ERLIN1: variants seen among roughly 807,000 people sequenced by gnomAD.
The protein encoded by ERLIN1 is ER lipid raft associated 1.
In ERLIN1, 24 loss-of-function variants were observed where a neutral mutation model predicts 46.9. That is an observed-to-expected ratio of 0.51 (90% CI 0.37 to 0.72). The LOEUF is 0.72. Among genes scored for constraint, ERLIN1 ranks in the 30% least tolerant of loss-of-function variants. The pLI is 0.00. For synonymous variants in ERLIN1, 158 were observed against 143.2 expected (o/e 1.10, Z -0.74); for missense variants, 293 against 417.9 (o/e 0.70, Z 2.61).
At chr10:100,179,336 G>GTACTT in intron 2 of ERLIN1, 89 bp from the exon 3 acceptor site, 1 of 843,444 alleles carries the variant, frequency 1.2e-6, no homozygotes, top group Non-Finnish European at 2.0e-6. Flanking sequence ...GAAAGCTGCT[G>GTACTT]ACAGTAAGTA....
intron 4 of ERLIN1, among the ~76,000 whole-genome samples, chr10:100,177,340 G>A (rs897298153): frequency 2.6e-5 from 4 of 152,090 alleles, no homozygotes; most frequent in African/African-American, 4.8e-5. Context: ...CTTACTCTCT[G>A]AAAAATATAA....
intron 9 of ERLIN1, 65 bp downstream of exon 9, chr10:100,156,080 G>T: frequency 9.8e-7 from 1 of 1,021,808 alleles, no homozygotes; most frequent in South Asian, 1.3e-5. Flanking sequence ...TCAAAGGCCT[G>T]AACCCTGGAG....
intron 6 of ERLIN1, among the ~76,000 whole-genome samples, chr10:100,169,612 C>A: frequency 6.8e-6 from 1 of 147,352 alleles, no homozygotes. Context: ...AATCACATTC[C>A]TCAATGATTA....
intron 5 of ERLIN1, among the ~76,000 whole-genome samples, chr10:100,174,861 T>C (rs892722694): frequency 5.3e-5 from 8 of 152,166 alleles, no homozygotes; most frequent in African/African-American, 1.9e-4. Flanking sequence ...GCATGAACAC[T>C]TGGGCTTGTA....
intron 6 of ERLIN1, among the ~76,000 whole-genome samples, chr10:100,168,818 TACAGGCATGCGCCACCAAGCCCG>T (rs1843806899): frequency 6.6e-6 from 1 of 152,094 alleles, no homozygotes; most frequent in Admixed American, 6.6e-5. Context: ...TTGCTGGGAT[TACAGGCATGCGCCACCAAGCCCG>T]ACTAATTTTT....
At chr10:100,178,611 T>A (rs1487518429) in intron 3 of ERLIN1, among the ~76,000 whole-genome samples, 1 of 152,186 alleles carries the variant, frequency 6.6e-6, no homozygotes, top group Non-Finnish European at 1.5e-5. Context: ...CCCAGACCTA[T>A]TGAATCAGAA....
At position 100,176,184 on chromosome 10, in the gene ERLIN1, A is replaced by G. The variant is rs745724746; in HGVS notation, c.305-114T>C. ...ATTACACATGAGGAAAAGTGCCAAC[A>G]AAATAGTGAAACCAAAAACCACAAC... On this transcript the variant is annotated intron_variant, in intron 4 of 10. Coordinates refer to ENST00000421367, the MANE Select transcript of ERLIN1 (RefSeq NM_006459.4). 84 of 851,792 alleles carry G rather than the reference A, an allele frequency of 9.9e-5. 1 individual carries two copies. Among genetic ancestry groups the G allele is most frequent in the Admixed American group, 7.1e-5 (2 of 28,260 alleles). 52.8% of individuals were successfully genotyped at this position (851,792 alleles called of 1,614,324 possible).
intron 8 of ERLIN1, among the ~76,000 whole-genome samples, chr10:100,158,550 GA>G (rs934529752): frequency 3.4e-5 from 5 of 146,270 alleles, no homozygotes; most frequent in African/African-American, 7.6e-5. Context: ...AAAATTACTA[GA>G]AAAAAAAAAT....
At chr10:100,177,264 T>A (rs936608866) in intron 4 of ERLIN1, among the ~76,000 whole-genome samples, 10 of 152,192 alleles carry the variant, frequency 6.6e-5, no homozygotes, top group African/African-American at 2.4e-4. Context: ...CTTCCCTTTT[T>A]CAATCATAAT....
Position 100,176,032 on chromosome 10 carries a change from T to C in ERLIN1, c.343A>G (p.Lys115Glu). ...TGGATTTTATTGAAGATTAAGGTCT[T>C]GTCATAATCTGCAGTATAGTTCCTC... ...IVRNYTADYDKTLIFNKIHHE... is the reference protein window; with the variant it reads ...IVRNYTADYDETLIFNKIHHE... The change falls in exon 5 of 11, where the codon AAG becomes GAG. Residue 115 changes from lysine to glutamate, a missense_variant. Transcript: ENST00000421367. 1.9e-6 allele frequency: 3 copies of C among 1,612,016 alleles called. No homozygotes were observed. The highest frequency in any genetic ancestry group is 2.5e-6 in the Non-Finnish European group (3 of 1,178,276).
chr10:100,178,330 A>G (rs747727960), intron 3 of ERLIN1, 136 bp from the exon 4 acceptor site: 66 of 592,326 alleles, frequency 1.1e-4, no homozygotes, highest in Non-Finnish European at 1.6e-4. Context: ...TTCCTTTTTC[A>G]TAGCATTTCT....
intron 6 of ERLIN1, among the ~76,000 whole-genome samples, chr10:100,172,095 G>A (rs1032032035): frequency 1.3e-5 from 2 of 152,142 alleles, no homozygotes; most frequent in African/African-American, 4.8e-5. Context: ...AAGATGTACA[G>A]AATATATAAG....
intron 2 of ERLIN1, among the ~76,000 whole-genome samples, chr10:100,181,538 G>A (rs1484683386): frequency 3.8e-5 from 5 of 131,736 alleles, no homozygotes; most frequent in Non-Finnish European, 7.7e-5. Context: ...TTTTTGAGAC[G>A]GAGTCTTCCT....
At chr10:100,162,501 C>A (rs1371689641) in intron 8 of ERLIN1, among the ~76,000 whole-genome samples, 2 of 152,106 alleles carry the variant, frequency 1.3e-5, no homozygotes, top group African/African-American at 4.8e-5. Context: ...AGCAATTTGT[C>A]AATATGTTGA....
intron 8 of ERLIN1, among the ~76,000 whole-genome samples, chr10:100,157,731 A>C (rs150471488): frequency 1.3e-5 from 2 of 152,242 alleles, no homozygotes; most frequent in Non-Finnish European, 2.9e-5. Flanking sequence ...AACTCAAGAT[A>C]AAACATGAAT....
chr10:100,152,069 G>C lies in ERLIN1; in HGVS notation c.*62C>G. On this transcript the variant is annotated 3_prime_UTR_variant, in exon 11 of 11. Transcript: ENST00000421367. ...TGTAAATCTGAAGAGTCCGTATAAT[G>C]ATTGTTCCCACTTAACCCCTTGGGC... 1 of 1,009,302 alleles carries C rather than the reference G, an allele frequency of 9.9e-7. No individual in the cohort carries two copies. 62.5% of individuals were successfully genotyped at this position (1,009,302 alleles called of 1,614,324 possible).
intron 2 of ERLIN1, among the ~76,000 whole-genome samples, chr10:100,180,796 C>T (rs1385276884): frequency 1.3e-5 from 2 of 152,142 alleles, no homozygotes. Flanking sequence ...TTACTTAATT[C>T]CTTTTCTCAC....
intron 1 of ERLIN1, 128 bp downstream of exon 1, chr10:100,185,386 C>G (rs138773681): frequency 1.5e-6 from 1 of 688,082 alleles, no homozygotes; most frequent in African/African-American, 1.8e-5. Flanking sequence ...CCGCTTCGAC[C>G]CCCGTGCTCT....
At chr10:100,182,273 A>G (rs952730134) in intron 2 of ERLIN1, among the ~76,000 whole-genome samples, 3 of 144,790 alleles carry the variant, frequency 2.1e-5, no homozygotes, top group Non-Finnish European at 3.0e-5. Context: ...CAAGTGATCC[A>G]CCTGCTTCAG....
Sources: allele counts gnomAD v4.1 joint callset (sites outside exome capture counted in the v4.1 genomes callset), GRCh38; gene constraint gnomAD v4.1.1; transcripts MANE v1.5; gene names NCBI Gene and HGNC (gene_info 2026-07-23, HGNC 2026-07-21).